The following SGCZ variants were observed in gnomAD, a reference collection of about 807,000 sequenced individuals.
The protein encoded by SGCZ is zeta-sarcoglycan.
A neutral mutation model predicts 41.3 loss-of-function variants in SGCZ; 40 were observed. The observed-to-expected ratio is 0.97, with a 90% CI of 0.75 to 1.26. The LOEUF (loss-of-function observed/expected upper bound fraction) is 1.26. Ranked by LOEUF, SGCZ falls within the 50% of genes most tolerant of loss-of-function variation. The pLI, the probability that SGCZ is intolerant of heterozygous loss-of-function variation, is 0.00. For synonymous variants in SGCZ, 206 were observed against 137.5 expected (o/e 1.50, Z -3.49); for missense variants, 552 against 369.8 (o/e 1.49, Z -4.04).
At chr8:14,204,037 C>T (rs982752736) in intron 4 of SGCZ, among the ~76,000 whole-genome samples, 4 of 151,882 alleles carry the variant, frequency 2.6e-5, no homozygotes, top group Non-Finnish European at 5.9e-5. Context: ...GGGGAGACAG[C>T]CTGGTGCATG....
chr8:14,491,003 C>G (rs1171970975), intron 2 of SGCZ, among the ~76,000 whole-genome samples: 3 of 152,166 alleles, frequency 2.0e-5, no homozygotes, highest in African/African-American at 7.2e-5. Context: ...TTATTCCTGT[C>G]TCATTCTACT....
intron 4 of SGCZ, among the ~76,000 whole-genome samples, chr8:14,188,824 G>GTTTTTTTTTTTTTTTTT (rs145555540): frequency 2.1e-4 from 13 of 62,362 alleles, no homozygotes; most frequent in South Asian, 8.4e-4. Context: ...TTGTTTCTTT[G>GTTTTTTTTTTTTTTTTT]TTTTTTTTTG....
chr8:14,817,785 T>G (rs6530806), intron 1 of SGCZ, among the ~76,000 whole-genome samples: 57,009 of 152,016 alleles, frequency 0.38, 14,915 homozygotes, highest in African/African-American at 0.72. Context: ...ACAGCCCATG[T>G]ACAACCTGGC....
intron 2 of SGCZ, among the ~76,000 whole-genome samples, chr8:14,495,678 A>T (rs1801967288): frequency 6.6e-6 from 1 of 152,198 alleles, no homozygotes; most frequent in Non-Finnish European, 1.5e-5. Context: ...GAAAGACCAA[A>T]CCCTCATTAC....
intron 3 of SGCZ, among the ~76,000 whole-genome samples, chr8:14,284,383 C>T (rs1466226506): frequency 2.6e-5 from 4 of 152,150 alleles, no homozygotes; most frequent in Non-Finnish European, 2.9e-5. Flanking sequence ...CAGAGCAAGA[C>T]ATTATCTCAC....
rs1428195927 is a variant in SGCZ, at chr8:14,726,311, C to CATACATATATATAT, written c.40-171386_40-171385insATATATATATGTAT. On this transcript the variant is annotated intron_variant, in intron 1 of 7. Transcript: ENST00000382080. ...GTGTGTGTGTGTATATGTGTAAATACATATATATATATCTATATATATATA... is the reference window on the plus strand; with the variant it reads ...GTGTGTGTGTGTATATGTGTAAATACATACATATATATATATATATATATATCTATATATATATA... Among the ~76,000 whole-genome samples, 271 of 107,618 alleles carry CATACATATATATAT rather than the reference C, an allele frequency of 2.5e-3. 1 individual carries two copies. Among genetic ancestry groups the CATACATATATATAT allele is most frequent in the Non-Finnish European group, 3.2e-3 (170 of 53,890 alleles). 70.6% of individuals were successfully genotyped at this position (107,618 alleles called of 152,430 possible).
At chr8:15,021,413 C>T (rs546757694) in intron 1 of SGCZ, among the ~76,000 whole-genome samples, 1 of 152,288 alleles carries the variant, frequency 6.6e-6, no homozygotes, top group Admixed American at 6.5e-5. Flanking sequence ...TCTAGGGCCT[C>T]ACTTACGTGG....
intron 3 of SGCZ, among the ~76,000 whole-genome samples, chr8:14,284,088 T>C (rs900630876): frequency 6.6e-6 from 1 of 152,246 alleles, no homozygotes; most frequent in African/African-American, 2.4e-5. Flanking sequence ...GTGATATTAT[T>C]TTATGCTAAA....
chr8:14,432,781 G>C (rs1349980656), intron 2 of SGCZ, among the ~76,000 whole-genome samples: 2 of 151,992 alleles, frequency 1.3e-5, no homozygotes, highest in Non-Finnish European at 2.9e-5. Context: ...AGGCGTGGTG[G>C]AGGGCAACTG....
intron 3 of SGCZ, among the ~76,000 whole-genome samples, chr8:14,318,940 C>A (rs1456648901): frequency 2.0e-5 from 3 of 147,588 alleles, no homozygotes; most frequent in African/African-American, 5.0e-5. Flanking sequence ...CACTATTATA[C>A]AAAAAAAAAT....
intron 1 of SGCZ, among the ~76,000 whole-genome samples, chr8:14,962,180 G>C (rs919596472): frequency 6.6e-6 from 1 of 152,024 alleles, no homozygotes. Context: ...TAATTATTAC[G>C]TCAACCAGTT....
chr8:14,687,166 A>AT, intron 1 of SGCZ, among the ~76,000 whole-genome samples: 1 of 138,764 alleles, frequency 7.2e-6, no homozygotes, highest in Non-Finnish European at 1.6e-5. Flanking sequence ...TTTAAAGAAA[A>AT]AAAAAATATA....
chr8:14,271,381 G>C (rs888432087), intron 3 of SGCZ, among the ~76,000 whole-genome samples: 1 of 152,156 alleles, frequency 6.6e-6, no homozygotes, highest in Non-Finnish European at 1.5e-5. Flanking sequence ...TTAAATGTGA[G>C]CTTTAATATA....
At chr8:14,462,347 T>C (rs1800925533) in intron 2 of SGCZ, among the ~76,000 whole-genome samples, 1 of 152,060 alleles carries the variant, frequency 6.6e-6, no homozygotes, top group African/African-American at 2.4e-5. Flanking sequence ...TCCTTTTTAT[T>C]ATTTTAGTAA....
At position 14,089,708 on chromosome 8, in the gene SGCZ, G is replaced by T. The variant is rs1801627753; in HGVS notation, c.*735C>A. 6.6e-6 allele frequency among the ~76,000 whole-genome samples: 1 copy of T among 151,890 alleles called. No individual in the cohort carries two copies. Among genetic ancestry groups the T allele is most frequent in the African/African-American group, 2.4e-5 (1 of 41,384 alleles). ...AGTAGCCATGTAAATACTATATAAGGCCATCCAGATCTGACCAATGACATT... is the reference window on the plus strand; with the variant it reads ...AGTAGCCATGTAAATACTATATAAGTCCATCCAGATCTGACCAATGACATT... On this transcript the variant is annotated 3_prime_UTR_variant, in exon 8 of 8. Transcript: ENST00000382080.
intron 1 of SGCZ, among the ~76,000 whole-genome samples, chr8:15,113,719 G>A (rs551179923): frequency 2.0e-5 from 3 of 152,188 alleles, no homozygotes; most frequent in African/African-American, 4.8e-5. Context: ...TTATGCAAAG[G>A]CTCCCACCAG....
intron 2 of SGCZ, among the ~76,000 whole-genome samples, chr8:14,396,513 A>C (rs1798924506): frequency 1.3e-5 from 2 of 151,918 alleles, no homozygotes; most frequent in Non-Finnish European, 2.9e-5. Flanking sequence ...TGTCACATTT[A>C]TTCATTCACC....
chr8:14,990,636 T>A lies in SGCZ; in HGVS notation c.39+246949A>T, dbSNP rs186015093. Among the ~76,000 whole-genome samples, 24 of 152,234 alleles carry A rather than the reference T, an allele frequency of 1.6e-4. No homozygotes were observed. The East Asian group carries it at 1.7e-3, about 11-fold the overall frequency. Reference sequence around the variant, plus strand: ...AGTTGCAGGAAATCGAGATCATGGCTCTCACTGATTCTACATTTTGGAGAG... The same window carrying A: ...AGTTGCAGGAAATCGAGATCATGGCACTCACTGATTCTACATTTTGGAGAG... On this transcript the variant is annotated intron_variant, in intron 1 of 7. Coordinates refer to ENST00000382080, the MANE Select transcript of SGCZ (RefSeq NM_139167.4).
intron 3 of SGCZ, among the ~76,000 whole-genome samples, chr8:14,300,665 G>A (rs916191554): frequency 4.6e-5 from 7 of 151,938 alleles, no homozygotes; most frequent in South Asian, 4.1e-4. Flanking sequence ...TGAGAATGGT[G>A]GTCGTATGAG....
Sources: gnomAD v4.1 joint callset for allele counts (sites outside exome capture counted in the v4.1 genomes callset) on GRCh38, gnomAD v4.1.1 for gene constraint, MANE v1.5 for transcripts, NCBI Gene and HGNC (gene_info 2026-07-23, HGNC 2026-07-21) for gene names.